Variants in IL33 observed in about 807,000 individuals in gnomAD.
IL33 encodes the protein interleukin 33, also known as interleukin-33.
A neutral mutation model predicts 27.3 loss-of-function variants in IL33; 37 were observed. The observed-to-expected ratio is 1.36, with a 90% CI of 1.04 to 1.78. The LOEUF (loss-of-function observed/expected upper bound fraction) is 1.78, where lower values mean the gene tolerates loss of function less well. Among genes scored for constraint, IL33 ranks in the 40% most tolerant of loss-of-function variants. IL33 has a pLI of 0.00. For missense variants in IL33, 406 were observed against 311.4 expected, an observed-to-expected ratio of 1.30 and a Z score of -2.29; for synonymous variants, 132 against 102.9, an observed-to-expected ratio of 1.28 and a Z score of -1.71.
chr9:6,215,935 T>A (rs892986824), intron 1 of IL33, 83 bp downstream of exon 1: 1 of 151,940 alleles, frequency 6.6e-6, no homozygotes, highest in African/African-American at 2.4e-5. Context: ...TGTTTTTTTT[T>A]TTTTCCTGAA....
rs115022308 is a variant in IL33, at chr9:6,230,542, A to C, written c.-11-11142A>C. Among the ~76,000 whole-genome samples, 702 of 151,944 alleles carry C rather than the reference A, an allele frequency of 4.6e-3. 6 individuals carry two copies. The highest frequency in any genetic ancestry group is 0.016 in the African/African-American group (680 of 41,432). ...AGGGAGTAGAGGATTGGTGTGTCAC[A>C]CTCCCCTGTGCTCCCATCCCCCGCT... On this transcript the variant is annotated intron_variant, in intron 1 of 7. Coordinates refer to ENST00000682010, the MANE Select transcript of IL33 (RefSeq NM_033439.4).
intron 2 of IL33, among the ~76,000 whole-genome samples, chr9:6,249,859 G>A (rs145137453): frequency 6.0e-4 from 92 of 152,244 alleles, no homozygotes; most frequent in African/African-American, 2.0e-3. Context: ...TTAGCACAGC[G>A]TTTGGCCCAC....
intron 2 of IL33, among the ~76,000 whole-genome samples, chr9:6,248,042 C>T (rs1207793700): frequency 6.6e-6 from 1 of 152,046 alleles, no homozygotes; most frequent in Non-Finnish European, 1.5e-5. Flanking sequence ...ATGCCTATCA[C>T]GTTCCCATGT....
chr9:6,234,839 T>C (rs1819106012), intron 1 of IL33, among the ~76,000 whole-genome samples: 1 of 152,178 alleles, frequency 6.6e-6, no homozygotes, highest in African/African-American at 2.4e-5. Flanking sequence ...ATGATGTTTC[T>C]CATTTGCTTT....
chr9:6,246,192 T>G (rs1340754105), intron 2 of IL33, among the ~76,000 whole-genome samples: 1 of 151,968 alleles, frequency 6.6e-6, no homozygotes, highest in Non-Finnish European at 1.5e-5. Flanking sequence ...AAGACATTTT[T>G]TATTATAAGG....
chr9:6,243,827 G>T (rs1235695245), intron 2 of IL33, among the ~76,000 whole-genome samples: 1 of 152,166 alleles, frequency 6.6e-6, no homozygotes, highest in Admixed American at 6.5e-5. Flanking sequence ...TTTAAGGCTA[G>T]AAAAGAAAGC....
At position 6,253,542 on chromosome 9, in the gene IL33, T is replaced by A. The variant is rs2130456280; in HGVS notation, c.470-10T>A. ...GTCTCACCAGAGGGATTTTATGCAT[T>A]CTCTTTCAGATAAGGTGTTACTGAG... On this transcript the variant is annotated splice_polypyrimidine_tract_variant and intron_variant, in intron 5 of 7. Coordinates refer to ENST00000682010, the MANE Select transcript of IL33 (RefSeq NM_033439.4). The A allele has an allele frequency of 1.9e-6, 3 of 1,594,974 alleles. No individual in the cohort carries two copies. In the South Asian group the frequency reaches 3.4e-5, roughly 18 times the overall value.
In IL33 at chr9:6,251,164, T is replaced by C; in HGVS notation, c.242T>C (p.Val81Ala). The change falls in exon 4 of 8, where the codon GTA becomes GCA. Residue 81 changes from valine (V) to alanine (A), a missense_variant. By Grantham distance (64) the Val-to-Ala change is moderately conservative. Transcript: ENST00000682010. Reference protein sequence around the residue: ...KTGRKHKRHLVLAACQQQSTV... With the variant: ...KTGRKHKRHLALAACQQQSTV... The stretch of plus-strand genomic sequence containing the variant: ...GGTAGAAAGCACAAAAGACATCTGG[T>C]ACTCGCTGCCTGTCAACAGCAGTCT... 1 of 1,613,964 alleles carries C rather than the reference T, an allele frequency of 6.2e-7. No individual in the cohort carries two copies. Among genetic ancestry groups the C allele is most frequent in the Non-Finnish European group, 8.5e-7 (1 of 1,179,876 alleles).
At chr9:6,233,493 G>A (rs1291099378) in intron 1 of IL33, among the ~76,000 whole-genome samples, 1 of 151,846 alleles carries the variant, frequency 6.6e-6, no homozygotes, top group Non-Finnish European at 1.5e-5. Context: ...CTTTTCATTG[G>A]CTACTTTCTT....
At chr9:6,229,640 T>C (rs1156794656) in intron 1 of IL33, among the ~76,000 whole-genome samples, 1 of 152,126 alleles carries the variant, frequency 6.6e-6, no homozygotes, top group Non-Finnish European at 1.5e-5. Context: ...CCCACATCTG[T>C]CTAGTGGATG....
At chr9:6,240,246 T>C (rs1336791182) in intron 1 of IL33, among the ~76,000 whole-genome samples, 2 of 152,192 alleles carry the variant, frequency 1.3e-5, no homozygotes, top group South Asian at 2.1e-4. Flanking sequence ...TTTGGTTTTA[T>C]GCATTTTAGG....
intron 1 of IL33, among the ~76,000 whole-genome samples, chr9:6,234,180 A>G (rs1472339625): frequency 6.6e-6 from 1 of 152,246 alleles, no homozygotes. Context: ...CAGCCAAGAC[A>G]ATCTCATTCA....
chr9:6,221,778 T>A (rs1234400693), intron 1 of IL33, among the ~76,000 whole-genome samples: 2 of 152,216 alleles, frequency 1.3e-5, no homozygotes, highest in Non-Finnish European at 2.9e-5. Context: ...AAGGAAAGGC[T>A]ACCAATTATA....
chr9:6,236,576 G>A (rs888810888), intron 1 of IL33, among the ~76,000 whole-genome samples: 5 of 152,182 alleles, frequency 3.3e-5, no homozygotes, highest in Admixed American at 1.3e-4. Flanking sequence ...CTTTGACAGT[G>A]CTACAACTAG....
At chr9:6,253,087 A>T (rs1488132718) in intron 5 of IL33, 96 bp downstream of exon 5, 1 of 869,506 alleles carries the variant, frequency 1.2e-6, no homozygotes, top group African/African-American at 1.7e-5. Flanking sequence ...GGATTAACTT[A>T]GACATGGCAA....
At chr9:6,221,497 T>A (rs1302708013) in intron 1 of IL33, among the ~76,000 whole-genome samples, 1 of 152,172 alleles carries the variant, frequency 6.6e-6, no homozygotes, top group African/African-American at 2.4e-5. Flanking sequence ...GATTCAACAT[T>A]TAGAAGCATT....
intron 1 of IL33, among the ~76,000 whole-genome samples, chr9:6,233,083 T>C (rs920079315): frequency 2.0e-5 from 3 of 152,206 alleles, no homozygotes; most frequent in African/African-American, 7.2e-5. Flanking sequence ...TGTACAACCA[T>C]AACCACTCTC....
At chr9:6,255,922 G>A (rs1816699568) in intron 7 of IL33, 46 bp from the exon 8 acceptor site, 1 of 1,511,416 alleles carries the variant, frequency 6.6e-7, no homozygotes, top group Non-Finnish European at 9.2e-7. Context: ...AGTTGACTCT[G>A]AACTTCCCAT....
intron 1 of IL33, among the ~76,000 whole-genome samples, chr9:6,227,231 G>A (rs978297076): frequency 6.6e-6 from 1 of 152,174 alleles, no homozygotes; most frequent in Non-Finnish European, 1.5e-5. Context: ...GCAGTTTACT[G>A]TTAGACTCTC....
Sources: gnomAD v4.1 joint callset for allele counts (sites outside exome capture counted in the v4.1 genomes callset) on GRCh38, gnomAD v4.1.1 for gene constraint, MANE v1.5 for transcripts, NCBI Gene and HGNC (gene_info 2026-07-23, HGNC 2026-07-21) for gene names.